Variants in GLCE observed in about 807,000 individuals in gnomAD.
GLCE encodes glucuronic acid epimerase, also known as D-glucuronyl C5-epimerase.
A neutral mutation model predicts 47.9 loss-of-function variants in GLCE; 19 were observed. That is an observed-to-expected ratio of 0.40 (90% CI 0.28 to 0.58). The LOEUF is 0.58. Among genes scored for constraint, GLCE ranks in the 20% least tolerant of loss-of-function variants. The probability of loss-of-function intolerance (pLI) is 0.48; values close to 1 mark genes in which losing one functional copy is unlikely to be tolerated. For synonymous variants in GLCE, 245 were observed against 263.4 expected, an observed-to-expected ratio of 0.93 and a Z score of 0.68; for missense variants, 556 against 743.3, an observed-to-expected ratio of 0.75 and a Z score of 2.93.
intron 2 of GLCE, among the ~76,000 whole-genome samples, chr15:69,220,593 T>A (rs979097876): frequency 2.6e-5 from 4 of 152,224 alleles, no homozygotes; most frequent in African/African-American, 9.6e-5. Context: ...TGGTGAAATG[T>A]CTATTCAAGT....
chr15:69,209,749 C>G (rs1204241438), intron 1 of GLCE, among the ~76,000 whole-genome samples: 2 of 152,096 alleles, frequency 1.3e-5, no homozygotes, highest in Admixed American at 6.6e-5. Context: ...ATCTTTATCC[C>G]TCTTTAATGT....
intron 2 of GLCE, among the ~76,000 whole-genome samples, chr15:69,225,194 G>A (rs1004617613): frequency 6.6e-6 from 1 of 151,276 alleles, no homozygotes; most frequent in African/African-American, 2.4e-5. Flanking sequence ...CTTTTTTGCA[G>A]GGCAGAGGTG....
At position 69,195,476 on chromosome 15, in the gene GLCE, T is replaced by G. The variant is rs534708945; in HGVS notation, c.-104-14840T>G. Among the ~76,000 whole-genome samples, 9 of 152,224 alleles carry G rather than the reference T, an allele frequency of 5.9e-5. No homozygotes were observed. The East Asian group carries it at 1.7e-3, about 29-fold the overall frequency. On this transcript the variant is annotated intron_variant, in intron 1 of 4. Coordinates refer to ENST00000261858, the MANE Select transcript of GLCE (RefSeq NM_015554.3). ...TGTGTTTGTGTGTATTAACAAAATTTGAAATTTTTACTTACCTTCTCTTTC... is the reference window on the plus strand; with the variant it reads ...TGTGTTTGTGTGTATTAACAAAATTGGAAATTTTTACTTACCTTCTCTTTC...
At chr15:69,248,628 G>A (rs1201676039) in intron 2 of GLCE, among the ~76,000 whole-genome samples, 23 of 152,084 alleles carry the variant, frequency 1.5e-4, no homozygotes, top group Admixed American at 1.5e-3. Context: ...TGTCTACTCT[G>A]AGCTAGGCAC....
intron 1 of GLCE, among the ~76,000 whole-genome samples, chr15:69,166,864 G>A (rs1442034252): frequency 6.9e-6 from 1 of 144,242 alleles, no homozygotes; most frequent in Non-Finnish European, 1.5e-5. Context: ...AGGTTGCAGT[G>A]AGCCGAGATT....
intron 1 of GLCE, among the ~76,000 whole-genome samples, chr15:69,201,993 C>T (rs1436678182): frequency 6.6e-6 from 1 of 151,990 alleles, no homozygotes; most frequent in Non-Finnish European, 1.5e-5. Flanking sequence ...AGCACAGGCT[C>T]ACTGTAGCCT....
intron 2 of GLCE, among the ~76,000 whole-genome samples, chr15:69,218,036 C>T (rs568084516): frequency 1.7e-4 from 26 of 151,118 alleles, no homozygotes; most frequent in South Asian, 1.3e-3. Context: ...CACCTGTAAT[C>T]GCAGCTACTT....
intron 1 of GLCE, among the ~76,000 whole-genome samples, chr15:69,206,643 C>T (rs1361107195): frequency 1.3e-5 from 2 of 151,710 alleles, no homozygotes; most frequent in East Asian, 3.9e-4. Context: ...TTGACATGTC[C>T]CGTCCTTTTC....
chr15:69,268,928 T>C lies in GLCE; in HGVS notation c.1538T>C (p.Met513Thr). Residue 513 changes from methionine (M) to threonine (T), a missense_variant, in exon 5 of 5, where the codon ATG becomes ACG. Physicochemically the swap from Met to Thr is moderately conservative, Grantham distance 81. This residue lies in a region of GLCE where 245 missense variants were observed against 368.1 expected (regional missense o/e 0.67). Transcript: ENST00000261858. ...AGCTCTTTTGTTTTAAATGGCTTTA[T>C]GTATTCTTTAATTGGGCTGTATGAC... ...TPSSFVLNGF[M>T]YSLIGLYDLK... The C allele has an allele frequency of 6.2e-7, 1 of 1,614,216 alleles. No individual in the cohort carries two copies. The highest frequency in any genetic ancestry group is 8.5e-7 in the Non-Finnish European group (1 of 1,179,994).
At position 69,242,706 on chromosome 15, in the gene GLCE, G is replaced by T. The variant is rs1163368577; in HGVS notation, c.-13-13088G>T. Among the ~76,000 whole-genome samples, 4 of 152,014 alleles carry T rather than the reference G, an allele frequency of 2.6e-5. No homozygotes were observed. In the South Asian group the frequency reaches 6.2e-4, roughly 24 times the overall value. ...TACTTCTTAAAATTATTTTTTTAAA[G>T]GTTCATCATATTATTCTTTCTGCCT... On this transcript the variant is annotated intron_variant, in intron 2 of 4. Transcript: ENST00000261858.
chr15:69,247,720 T>G (rs1244552683), intron 2 of GLCE, among the ~76,000 whole-genome samples: 1 of 152,192 alleles, frequency 6.6e-6, no homozygotes, highest in Non-Finnish European at 1.5e-5. Context: ...GTAGAGTTAT[T>G]AATTGGCCTA....
In GLCE at chr15:69,211,638, G is replaced by GA. The variant is rs541345230; in HGVS notation, c.-14+1242dup. On this transcript the variant is annotated intron_variant, in intron 2 of 4. Transcript: ENST00000261858. ...CCTCCTCAGAAGTCTCTTGGCTGAA[G>GA]AAAAAAAAAAGTATATTTTAAAAAC... Among the ~76,000 whole-genome samples, 80 of 145,820 alleles carry GA rather than the reference G, an allele frequency of 5.5e-4. 1 individual carries two copies. In the East Asian group the frequency reaches 9.8e-3, roughly 18 times the overall value.
In GLCE at chr15:69,221,508, G is replaced by C. The variant is rs889671120; in HGVS notation, c.-14+11102G>C. Among the ~76,000 whole-genome samples, 3 of 151,860 alleles carry C rather than the reference G, an allele frequency of 2.0e-5. No homozygotes were observed. The South Asian group carries it at 6.3e-4, about 32-fold the overall frequency. ...ATTCTTTTTGATGCTATAATAAATG[G>C]AATTACTTTTGTCATTTTCTTTTCA... is the stretch of plus-strand genomic sequence containing the variant. On this transcript the variant is annotated intron_variant, in intron 2 of 4. Transcript: ENST00000261858.
intron 1 of GLCE, among the ~76,000 whole-genome samples, chr15:69,193,253 A>G (rs1476773659): frequency 1.3e-5 from 2 of 152,134 alleles, no homozygotes; most frequent in Non-Finnish European, 2.9e-5. Flanking sequence ...TTTTAGGGCA[A>G]TAGTCTGGTA....
chr15:69,194,713 T>C (rs918937893), intron 1 of GLCE, among the ~76,000 whole-genome samples: 9 of 152,260 alleles, frequency 5.9e-5, no homozygotes, highest in Non-Finnish European at 1.0e-4. Flanking sequence ...TTCTAAAACA[T>C]TGATCCTGTG....
chr15:69,214,189 A>G (rs565972938), intron 2 of GLCE, among the ~76,000 whole-genome samples: 2 of 152,220 alleles, frequency 1.3e-5, no homozygotes, highest in African/African-American at 2.4e-5. Context: ...GTTCATTGCT[A>G]CCGAGGAGTT....
At chr15:69,250,440 A>G (rs577415668) in intron 2 of GLCE, among the ~76,000 whole-genome samples, 1 of 152,212 alleles carries the variant, frequency 6.6e-6, no homozygotes, top group Non-Finnish European at 1.5e-5. Context: ...TTTTTCTACA[A>G]ATTTTTAACT....
At position 69,269,478 on chromosome 15, in the gene GLCE, G is replaced by A. The variant is rs924939280; in HGVS notation, c.*234G>A. On this transcript the variant is annotated 3_prime_UTR_variant, in exon 5 of 5. Transcript: ENST00000261858. ...ATGTTTAATCAATGGGCTGAACAAA[G>A]ATGCTTCACTTTGCCTTGCCCATCA... 7.5e-6 allele frequency: 4 copies of A among 535,142 alleles called. No individual in the cohort carries two copies. In the African/African-American group the frequency reaches 7.6e-5, roughly 10 times the overall value. The allele number at this position is 535,142 out of a possible 1,614,324, so 33.1% of individuals were successfully genotyped here.
At chr15:69,248,068 T>C (rs1330405442) in intron 2 of GLCE, among the ~76,000 whole-genome samples, 4 of 152,236 alleles carry the variant, frequency 2.6e-5, no homozygotes, top group Admixed American at 2.0e-4. Flanking sequence ...TGAAGTATTA[T>C]GAGCACTTGT....
Sources: allele counts gnomAD v4.1 joint callset (sites outside exome capture counted in the v4.1 genomes callset), GRCh38; gene constraint gnomAD v4.1.1; regional missense constraint gnomAD v4.1.1; transcripts MANE v1.5; gene names NCBI Gene and HGNC (gene_info 2026-07-23, HGNC 2026-07-21).